The following TSPAN18 variants were observed in gnomAD, a reference collection of about 807,000 sequenced individuals.
TSPAN18 encodes the protein tetraspanin-18.
In TSPAN18, 14 loss-of-function variants were observed where a neutral mutation model predicts 27.3. The observed-to-expected ratio is 0.51, with a 90% confidence interval of 0.34 to 0.80. TSPAN18 has a LOEUF of 0.80. Among genes scored for constraint, TSPAN18 ranks in the 30% least tolerant of loss-of-function variants. TSPAN18 has a pLI of 0.01. For missense variants in TSPAN18, 268 were observed against 323.9 expected (o/e 0.83, Z 1.32); for synonymous variants, 143 against 136.5 (o/e 1.05, Z -0.33).
intron 4 of TSPAN18, 157 bp from the exon 5 acceptor site, chr11:44,909,548 G>T (rs76966398): frequency 4.5e-6 from 3 of 665,598 alleles, no homozygotes; most frequent in Non-Finnish European, 7.5e-6. Context: ...GGTGCGGCTG[G>T]GACTCACTGG....
intron 3 of TSPAN18, among the ~76,000 whole-genome samples, chr11:44,889,451 G>T (rs935292850): frequency 1.3e-5 from 2 of 152,216 alleles, no homozygotes; most frequent in African/African-American, 4.8e-5. Flanking sequence ...CCAGCCCCAG[G>T]CTCTCTCTGG....
chr11:44,928,532 A>T (rs1290307719), intron 9 of TSPAN18, among the ~76,000 whole-genome samples: 1 of 152,146 alleles, frequency 6.6e-6, no homozygotes, highest in Non-Finnish European at 1.5e-5. Flanking sequence ...CACGCCTGTA[A>T]ATCCTAGCAC....
chr11:44,790,149 G>A (rs1856158641), intron 2 of TSPAN18, among the ~76,000 whole-genome samples: 1 of 133,214 alleles, frequency 7.5e-6, no homozygotes, highest in South Asian at 2.4e-4. Context: ...ACCCGCGTGT[G>A]TGCATGTGTG....
At chr11:44,879,679 A>G (rs1173128627) in intron 3 of TSPAN18, among the ~76,000 whole-genome samples, 1 of 152,146 alleles carries the variant, frequency 6.6e-6, no homozygotes, top group Non-Finnish European at 1.5e-5. Flanking sequence ...GGTAAGCCCA[A>G]CAAGGCAGGG....
At position 44,926,687 on chromosome 11, in the gene TSPAN18, T is replaced by C; in HGVS notation, c.629T>C (p.Val210Ala). Residue 210 changes from valine (V) to alanine (A), a missense_variant, in exon 9 of 10, where the codon GTG (valine) becomes GCG (alanine). Val to Ala is a moderately conservative substitution (Grantham distance 64, BLOSUM62 0). Transcript: ENST00000520358. The part of the protein sequence containing the change: ...LFLNKQGCYT[V>A]ILNTFETYVY... The stretch of plus-strand genomic sequence containing the variant: ...CCTCCCTCCCAGGGCTGTTACACGG[T>C]GATCCTCAACACCTTCGAGACCTAC... 5 of 1,614,126 alleles carry C rather than the reference T, an allele frequency of 3.1e-6. No homozygotes were observed. The highest frequency in any genetic ancestry group is 4.2e-6 in the Non-Finnish European group (5 of 1,179,988).
At chr11:44,881,328 CA>C (rs1858483241) in intron 3 of TSPAN18, among the ~76,000 whole-genome samples, 3 of 152,162 alleles carry the variant, frequency 2.0e-5, no homozygotes, top group Admixed American at 2.0e-4. Context: ...AGCTCCTTCC[CA>C]GACCCCAGAC....
intron 3 of TSPAN18, among the ~76,000 whole-genome samples, chr11:44,884,903 T>C (rs1178280568): frequency 6.6e-6 from 1 of 152,192 alleles, no homozygotes; most frequent in Non-Finnish European, 1.5e-5. Context: ...TCCTCTGCAT[T>C]AGCCCAAAGT....
chr11:44,840,701 C>T (rs1857355811), intron 2 of TSPAN18, among the ~76,000 whole-genome samples: 1 of 152,212 alleles, frequency 6.6e-6, no homozygotes, highest in Admixed American at 6.5e-5. Context: ...CGTTCATTAT[C>T]CTGCTTGATC....
Position 44,908,821 on chromosome 11 carries a change from A to AAGAAAGAAAGAAAG in TSPAN18, c.64-875_64-874insGAAAGAGAAAGAAA, listed in dbSNP as rs1554938151. Among the ~76,000 whole-genome samples the AAGAAAGAAAGAAAG allele has an allele frequency of 5.2e-5, 6 of 114,308 alleles. 1 individual carries two copies. The highest frequency in any genetic ancestry group is 9.2e-5 in the Non-Finnish European group (5 of 54,266). The allele number at this position is 114,308 out of a possible 152,430, so 75.0% of individuals were successfully genotyped here. On this transcript the variant is annotated intron_variant, in intron 4 of 9. Transcript: ENST00000520358. ...AAAGAAAGAAAGAAAGAAAGAAAGAAAGAAAGAAAAAGAAAAATGGAGCAG... is the reference window on the plus strand; with the variant it reads ...AAAGAAAGAAAGAAAGAAAGAAAGAAAGAAAGAAAGAAAGAGAAAGAAAAAGAAAAATGGAGCAG...
intron 2 of TSPAN18, among the ~76,000 whole-genome samples, chr11:44,817,208 C>T (rs1222780321): frequency 1.3e-5 from 2 of 152,250 alleles, no homozygotes; most frequent in Non-Finnish European, 2.9e-5. Context: ...GGCTTTGCTG[C>T]CTGCCCTCAC....
At chr11:44,919,440 C>A in intron 7 of TSPAN18, 128 bp downstream of exon 7, 3 of 820,428 alleles carry the variant, frequency 3.7e-6, no homozygotes, top group Non-Finnish European at 6.1e-6. Flanking sequence ...CTTGGAATCA[C>A]CATCCACGCA....
At chr11:44,900,208 A>C (rs7941711) in intron 3 of TSPAN18, among the ~76,000 whole-genome samples, 3,663 of 152,236 alleles carry the variant, frequency 0.024, 134 homozygotes, top group East Asian at 0.14. Flanking sequence ...GTAGGCCTCT[A>C]TAGGGGATGG....
chr11:44,810,325 C>G (rs917022524), intron 2 of TSPAN18, among the ~76,000 whole-genome samples: 1 of 152,128 alleles, frequency 6.6e-6, no homozygotes, highest in Non-Finnish European at 1.5e-5. Flanking sequence ...CCACCAATTC[C>G]TCTTCCTTCT....
rs74803761 is a variant in TSPAN18, at chr11:44,796,329, G to T, written c.-153+31817G>T. Among the ~76,000 whole-genome samples the T allele has an allele frequency of 4.9e-3, 749 of 152,246 alleles. 6 individuals are homozygous for T. The highest frequency in any genetic ancestry group is 0.017 in the African/African-American group (699 of 41,552). ...TGGGAGATTGGTTTTCAGTTTTTAC[G>T]ATGTTTTTGCTGATTCATGGGAAAT... On this transcript the variant is annotated intron_variant, in intron 2 of 9. Transcript: ENST00000520358.
intron 3 of TSPAN18, among the ~76,000 whole-genome samples, chr11:44,895,770 C>T (rs1441699298): frequency 6.6e-6 from 1 of 152,178 alleles, no homozygotes; most frequent in East Asian, 1.9e-4. Flanking sequence ...CTCATATCAG[C>T]CTCAGTGTCC....
chr11:44,750,213 C>T (rs139235952), intron 1 of TSPAN18, among the ~76,000 whole-genome samples: 26 of 152,304 alleles, frequency 1.7e-4, no homozygotes, highest in African/African-American at 6.0e-4. Flanking sequence ...GAGGGCTTTC[C>T]TGTGTTTCTT....
At chr11:44,920,463 C>G (rs1429485754) in intron 8 of TSPAN18, among the ~76,000 whole-genome samples, 1 of 135,844 alleles carries the variant, frequency 7.4e-6, no homozygotes, top group Non-Finnish European at 1.5e-5. Flanking sequence ...CAGAGAAGCT[C>G]CTAGACTTCA....
intron 2 of TSPAN18, among the ~76,000 whole-genome samples, chr11:44,818,362 G>T (rs1856855873): frequency 6.6e-6 from 1 of 152,330 alleles, no homozygotes; most frequent in Middle Eastern, 3.4e-3. Context: ...TCTGTCCCCA[G>T]CTCTGAAGCA....
chr11:44,805,751 C>G (rs1856578200), intron 2 of TSPAN18, among the ~76,000 whole-genome samples: 1 of 152,130 alleles, frequency 6.6e-6, no homozygotes, highest in Non-Finnish European at 1.5e-5. Context: ...TCTGAGGCCT[C>G]GAGGGAAGAA....
Sources: allele counts gnomAD v4.1 joint callset (sites outside exome capture counted in the v4.1 genomes callset), GRCh38; gene constraint gnomAD v4.1.1; transcripts MANE v1.5; gene names NCBI Gene and HGNC (gene_info 2026-07-23, HGNC 2026-07-21).